The following PTPRR variants were observed in gnomAD, a reference collection of about 807,000 sequenced individuals.
PTPRR encodes the protein protein tyrosine phosphatase receptor type R.
Under a neutral mutation model 77.2 loss-of-function variants are expected in PTPRR, and 38 were observed. The observed-to-expected ratio is 0.49, with a 90% CI of 0.38 to 0.65. The LOEUF (loss-of-function observed/expected upper bound fraction) is 0.65, where lower values mean the gene tolerates loss of function less well. PTPRR is among the 30% of genes least tolerant of loss of function. The probability of loss-of-function intolerance (pLI) is 0.00; values close to 1 mark genes in which losing one functional copy is unlikely to be tolerated. For missense variants in PTPRR, 744 were observed against 799.2 expected (o/e 0.93, Z 0.83); for synonymous variants, 299 against 283.1 (o/e 1.06, Z -0.57).
chr12:70,763,092 T>C (rs560168249), intron 3 of PTPRR, among the ~76,000 whole-genome samples: 2 of 151,614 alleles, frequency 1.3e-5, no homozygotes, highest in Admixed American at 6.6e-5. Flanking sequence ...ATGTATATAT[T>C]GTATATATAT....
rs1238276843 is a variant in PTPRR at position 70,795,893 on chromosome 12, G to A, written c.358-31115C>T. On this transcript the variant is annotated intron_variant, in intron 2 of 13. Coordinates refer to ENST00000283228, the MANE Select transcript of PTPRR (RefSeq NM_002849.4). ...AGAAACATTTTATTGGGTCCTATATGTTCAAAATGTATTTAGTAGATTTTT... is the reference window on the plus strand; with the variant it reads ...AGAAACATTTTATTGGGTCCTATATATTCAAAATGTATTTAGTAGATTTTT... 3.6e-5 allele frequency among the ~76,000 whole-genome samples: 3 copies of A among 82,644 alleles called. No homozygotes were observed. The Admixed American group carries it at 4.2e-4, about 12-fold the overall frequency. 54.2% of individuals were successfully genotyped at this position (82,644 alleles called of 152,430 possible).
At chr12:70,825,959 C>T (rs1892101671) in intron 2 of PTPRR, among the ~76,000 whole-genome samples, 1 of 152,154 alleles carries the variant, frequency 6.6e-6, no homozygotes, top group Non-Finnish European at 1.5e-5. Context: ...TATTTTTAAG[C>T]TTTTATAAGT....
At chr12:70,759,072 C>T (rs1331474729) in intron 4 of PTPRR, among the ~76,000 whole-genome samples, 1 of 151,918 alleles carries the variant, frequency 6.6e-6, no homozygotes, top group African/African-American at 2.4e-5. Context: ...GTAGCTGGGA[C>T]CACAGTTACA....
At chr12:70,836,840 T>G (rs1892312533) in intron 2 of PTPRR, among the ~76,000 whole-genome samples, 1 of 152,008 alleles carries the variant, frequency 6.6e-6, no homozygotes, top group Non-Finnish European at 1.5e-5. Flanking sequence ...GCCTACACAT[T>G]CAGAGAATGT....
chr12:70,851,249 C>T (rs56286996), intron 2 of PTPRR, among the ~76,000 whole-genome samples: 1 of 152,076 alleles, frequency 6.6e-6, no homozygotes, highest in African/African-American at 2.4e-5. Flanking sequence ...TATCCTGACT[C>T]TAATAATGAC....
At chr12:70,826,366 C>T (rs967411786) in intron 2 of PTPRR, among the ~76,000 whole-genome samples, 2 of 152,178 alleles carry the variant, frequency 1.3e-5, no homozygotes, top group African/African-American at 4.8e-5. Context: ...CATCTCATTG[C>T]GGCCCAGTGA....
chr12:70,723,996 T>C (rs901690439), intron 6 of PTPRR, among the ~76,000 whole-genome samples: 4 of 152,286 alleles, frequency 2.6e-5, no homozygotes, highest in Admixed American at 1.3e-4. Flanking sequence ...CAAAAAAAGA[T>C]ACAGATTTTT....
chr12:70,665,364 CTTTTTTTTTTTTTTTT>C (rs72472808), intron 10 of PTPRR, among the ~76,000 whole-genome samples: 11 of 44,600 alleles, frequency 2.5e-4, no homozygotes, highest in East Asian at 7.5e-4. Context: ...AATGCAAATT[CTTTTTTTTTTTTTTTT>C]TTTTTTTTTT....
chr12:70,672,219 C>T lies in PTPRR; in HGVS notation c.1498-9614G>A, dbSNP rs544238313. The T allele has an allele frequency of 6.1e-5, 97 of 1,582,464 alleles. No individual in the cohort carries two copies. The African/African-American group carries it at 1.2e-3, about 19-fold the overall frequency. On this transcript the variant is annotated intron_variant, in intron 10 of 13. Coordinates refer to ENST00000283228, the MANE Select transcript of PTPRR (RefSeq NM_002849.4). The stretch of plus-strand genomic sequence containing the variant: ...TGGTTGGAAGTGACCTCCCTGGCTC[C>T]AGCCACATGGCCAGATAAGGTGGTG...
intron 1 of PTPRR, among the ~76,000 whole-genome samples, chr12:70,918,206 T>C (rs1893802910): frequency 6.6e-6 from 1 of 152,242 alleles, no homozygotes; most frequent in African/African-American, 2.4e-5. Flanking sequence ...AATTTTAATC[T>C]GATGACAGCT....
chr12:70,698,363 T>C lies in PTPRR; in HGVS notation c.1195-14A>G. The C allele has an allele frequency of 1.2e-6, 2 of 1,603,040 alleles. No homozygotes were observed. The highest frequency in any genetic ancestry group is 1.7e-6 in the Non-Finnish European group (2 of 1,170,738). On this transcript the variant is annotated splice_polypyrimidine_tract_variant and intron_variant, in intron 7 of 13. Transcript: ENST00000283228. The stretch of plus-strand genomic sequence containing the variant: ...CATTGGTATTTCCTGCAAAAATAAA[T>C]AATATCAAATTAGTGTATCTAATAC...
At chr12:70,776,530 C>T (rs1461300119) in intron 2 of PTPRR, among the ~76,000 whole-genome samples, 3 of 152,098 alleles carry the variant, frequency 2.0e-5, no homozygotes, top group Admixed American at 6.6e-5. Context: ...CCTCCATTCA[C>T]CAAATTTGCC....
chr12:70,788,730 A>C, intron 2 of PTPRR: 2 of 903,250 alleles, frequency 2.2e-6, no homozygotes, highest in Non-Finnish European at 3.5e-6. Flanking sequence ...ACATGAACAG[A>C]TATAGACATA....
intron 6 of PTPRR, among the ~76,000 whole-genome samples, chr12:70,741,810 G>C (rs886568290): frequency 2.0e-5 from 3 of 152,152 alleles, no homozygotes; most frequent in African/African-American, 7.2e-5. Flanking sequence ...GCTGAGCCCT[G>C]GGAAGTGGGG....
chr12:70,809,935 G>A (rs1400869825), intron 2 of PTPRR, among the ~76,000 whole-genome samples: 1 of 152,126 alleles, frequency 6.6e-6, no homozygotes, highest in Non-Finnish European at 1.5e-5. Context: ...ACAAAGGTGA[G>A]CTCAGAATGT....
rs35226592 is a variant in PTPRR, at chr12:70,911,750, G to GAAAAAA, written c.58+8577_58+8582dup. ...AAAACTATCAAGAAAAGGCTCAACT[G>GAAAAAA]AAAAAAAAAAAAAAAAACCACTCAG... On this transcript the variant is annotated intron_variant, in intron 1 of 13. Coordinates refer to ENST00000283228, the MANE Select transcript of PTPRR (RefSeq NM_002849.4). 6.5e-4 allele frequency among the ~76,000 whole-genome samples: 69 copies of GAAAAAA among 105,798 alleles called. 5 individuals are homozygous for GAAAAAA. The highest frequency in any genetic ancestry group is 1.5e-3 in the African/African-American group (44 of 28,910). The allele number at this position is 105,798 out of a possible 152,430, so 69.4% of individuals were successfully genotyped here.
At chr12:70,715,565 G>C (rs1486328629) in intron 6 of PTPRR, among the ~76,000 whole-genome samples, 4 of 152,194 alleles carry the variant, frequency 2.6e-5, no homozygotes, top group African/African-American at 7.2e-5. Context: ...GACCATAACA[G>C]ATGGCCACGC....
chr12:70,881,847 C>G (rs116201977), intron 2 of PTPRR, among the ~76,000 whole-genome samples: 2 of 152,046 alleles, frequency 1.3e-5, no homozygotes, highest in East Asian at 1.9e-4. Context: ...GATTCAACAG[C>G]GAGAAGAAGC....
At chr12:70,668,074 T>C (rs1008835834) in intron 10 of PTPRR, among the ~76,000 whole-genome samples, 1 of 152,124 alleles carries the variant, frequency 6.6e-6, no homozygotes, top group Non-Finnish European at 1.5e-5. Flanking sequence ...AGAGAATGGT[T>C]ATAGATTTCT....
Sources: gnomAD v4.1 joint callset for allele counts (sites outside exome capture counted in the v4.1 genomes callset) on GRCh38, gnomAD v4.1.1 for gene constraint, MANE v1.5 for transcripts, NCBI Gene and HGNC (gene_info 2026-07-23, HGNC 2026-07-21) for gene names.